ITGA2B: variants seen among roughly 807,000 people sequenced by gnomAD.
ITGA2B encodes the protein integrin subunit alpha 2b.
A neutral mutation model predicts 142.0 loss-of-function variants in ITGA2B; 91 were observed. The ratio of observed to expected loss-of-function variants is 0.64; its 90% CI spans 0.54 to 0.76. The LOEUF (loss-of-function observed/expected upper bound fraction) is 0.76. Ranked by LOEUF, ITGA2B falls within the 30% of genes least tolerant of loss-of-function variation. The probability of loss-of-function intolerance (pLI) is 0.00; values close to 1 mark genes in which losing one functional copy is unlikely to be tolerated. For synonymous variants in ITGA2B, 536 were observed against 567.2 expected, an observed-to-expected ratio of 0.94 and a Z score of 0.78; for missense variants, 1,231 against 1,350.8, an observed-to-expected ratio of 0.91 and a Z score of 1.39.
chr17:44,374,531 A>G, intron 28 of ITGA2B, 61 bp from the exon 29 acceptor site: 2 of 1,563,594 alleles, frequency 1.3e-6, no homozygotes, highest in South Asian at 1.1e-5. Flanking sequence ...CAAAGACTCA[A>G]ACCTCAGGCT....
In ITGA2B at chr17:44,372,188, T is replaced by C; in HGVS notation, c.*176A>G. The stretch of plus-strand genomic sequence containing the variant: ...GAGGCAGCATGCTCAGCATCAGGGC[T>C]CAGTCTCTTTATTAGGCAGCAGGAG... On this transcript the variant is annotated 3_prime_UTR_variant, in exon 30 of 30. Transcript: ENST00000262407. 1 of 656,756 alleles carries C rather than the reference T, an allele frequency of 1.5e-6. No homozygotes were observed. The highest frequency in any genetic ancestry group is 2.7e-6 in the Non-Finnish European group (1 of 366,772). 40.7% of individuals were successfully genotyped at this position (656,756 alleles called of 1,614,324 possible).
In ITGA2B at chr17:44,384,525, G is replaced by T; in HGVS notation, c.847+13C>A. 1 of 1,614,086 alleles carries T rather than the reference G, an allele frequency of 6.2e-7. No individual in the cohort carries two copies. The highest frequency in any genetic ancestry group is 8.5e-7 in the Non-Finnish European group (1 of 1,180,032). ...CTGGGCTACCCAACTCCCGCCCTAA[G>T]TGGATTTCTTGCCTGTAGTGTTGAG... On this transcript the variant is annotated intron_variant, in intron 8 of 29. Coordinates refer to ENST00000262407, the MANE Select transcript of ITGA2B (RefSeq NM_000419.5).
At chr17:44,374,623 G>T (rs781529192) in intron 28 of ITGA2B, 36 bp downstream of exon 28, 3 of 1,583,660 alleles carry the variant, frequency 1.9e-6, no homozygotes, top group Non-Finnish European at 8.7e-7. Flanking sequence ...AATGGGTCCT[G>T]CAGGACTGGT....
In ITGA2B at chr17:44,380,082, G is replaced by T; in HGVS notation, c.1672C>A (p.Gln558Lys). Residue 558 changes from glutamine (Q) to lysine (K), a missense_variant, in exon 17 of 30, where the codon CAA becomes AAA. Gln to Lys is a moderately conservative substitution (Grantham distance 53). This residue lies in a region of ITGA2B where 908 missense variants were observed against 1,021.1 expected (regional missense o/e 0.89). Transcript: ENST00000262407. ...AGGTTCAGGGTGGTGCCTGCCTGTT[G>T]AGAGCCCAGCAGCAGCACCCGCCGG... ...QGRRVLLLGS[Q>K]QAGTTLNLDL... 1 of 1,614,070 alleles carries T rather than the reference G, an allele frequency of 6.2e-7. No individual in the cohort carries two copies. Among genetic ancestry groups the T allele is most frequent in the South Asian group, 1.1e-5 (1 of 91,072 alleles).
chr17:44,389,457 C>T lies in ITGA2B; in HGVS notation c.17G>A (p.Cys6Tyr), dbSNP rs769136077. The change falls in exon 1 of 30, where the codon TGT becomes TAT. Residue 6 changes from cysteine to tyrosine, a missense_variant. Physicochemically the swap from Cys to Tyr is radical, Grantham distance 194. Around this residue, in one of 3 missense-constraint regions of ITGA2B, gnomAD observed 318 missense variants for 312.2 expected, o/e 1.02. Transcript: ENST00000262407. ...CAGAAGCCAGAGGGCTTGCAGTGGACACAAAGCTCTGGCCATCTTCCTTCT... is the reference window on the plus strand; with the variant it reads ...CAGAAGCCAGAGGGCTTGCAGTGGATACAAAGCTCTGGCCATCTTCCTTCT... Reference protein sequence around the residue: MARALCPLQALWLLEW... With the variant: MARALYPLQALWLLEW... The T allele has an allele frequency of 4.3e-6, 7 of 1,613,722 alleles. No individual in the cohort carries two copies. In the Admixed American group the frequency reaches 1.2e-4, roughly 27 times the overall value.
intron 7 of ITGA2B, 70 bp from the exon 8 acceptor site, chr17:44,384,655 A>T (rs1361258230): frequency 6.5e-7 from 1 of 1,548,076 alleles, no homozygotes; most frequent in Non-Finnish European, 8.9e-7. Flanking sequence ...GCAAAGAAGG[A>T]GGAGATTAAG....
At chr17:44,384,176 C>T in intron 9 of ITGA2B, 38 bp from the exon 10 acceptor site, 1 of 1,610,562 alleles carries the variant, frequency 6.2e-7, no homozygotes, top group Non-Finnish European at 8.5e-7. Flanking sequence ...CATTCTTGTA[C>T]CCAAAGCAAC....
In ITGA2B at chr17:44,380,060, T is replaced by C; in HGVS notation, c.1694A>G (p.Asn565Ser). 6.2e-7 allele frequency: 1 copy of C among 1,613,982 alleles called. No individual in the cohort carries two copies. Among genetic ancestry groups the C allele is most frequent in the South Asian group, 1.1e-5 (1 of 91,070 alleles). The change falls in exon 17 of 30, where the codon AAC becomes AGC. Residue 565 changes from asparagine (N) to serine (S), a missense_variant. Asn to Ser is a conservative substitution (Grantham distance 46). This residue lies in a region of ITGA2B where 908 missense variants were observed against 1,021.1 expected (regional missense o/e 0.89). Coordinates refer to ENST00000262407, the MANE Select transcript of ITGA2B (RefSeq NM_000419.5). The part of the protein sequence containing the change: ...LGSQQAGTTL[N>S]LDLGGKHSPI... Reference sequence around the variant, plus strand: ...GCTGTGCTTTCCGCCCAGATCCAGGTTCAGGGTGGTGCCTGCCTGTTGAGA... The same window carrying C: ...GCTGTGCTTTCCGCCCAGATCCAGGCTCAGGGTGGTGCCTGCCTGTTGAGA...
At position 44,381,038 on chromosome 17, in the gene ITGA2B, C is replaced by T. The variant is rs780786843; in HGVS notation, c.1234G>A (p.Gly412Arg). 6.8e-6 allele frequency: 11 copies of T among 1,613,272 alleles called. No individual in the cohort carries two copies. In the Admixed American group the frequency reaches 8.3e-5, roughly 12 times the overall value. Residue 412 changes from glycine to arginine, a missense_variant, in exon 13 of 30, where the codon GGG (glycine) becomes AGG (arginine). Physicochemically the swap from Gly to Arg is moderately radical, Grantham distance 125 (BLOSUM62 -2). Transcript: ENST00000262407. ...YNDIAVAAPY[G>R]GPSGRGQVLV... ...ACTTGGCCCCGGCCACTGGGACCCC[C>T]GTAGGGGGCAGCCACTGCAATGTCT...
At chr17:44,377,110 G>T (rs200000599) in intron 21 of ITGA2B, 22 bp from the exon 22 acceptor site, 199 of 1,548,814 alleles carry the variant, frequency 1.3e-4, no homozygotes, top group Non-Finnish European at 1.7e-4. Context: ...GGAGGGCCAA[G>T]GTCACTGCCC....
In ITGA2B at chr17:44,386,128, C is replaced by G. The variant is rs535210075; in HGVS notation, c.192G>C (p.Val64=). The G allele has an allele frequency of 6.3e-7, 1 of 1,597,000 alleles. No homozygotes were observed. Among genetic ancestry groups the G allele is most frequent in the Admixed American group, 1.7e-5 (1 of 57,672 alleles). The change falls in exon 2 of 30, where the codon GTG becomes GTC. Residue 64 remains valine (V), a synonymous_variant. Coordinates refer to ENST00000262407, the MANE Select transcript of ITGA2B (RefSeq NM_000419.5). ...LDFHKDSHGR[V]AIVVGAPRTL... Reference sequence around the variant, plus strand: ...TCCGCGGGGCGCCCACCACGATGGCCACTCTGCATAGGAAAGCTGGGTGAG... The same window carrying G: ...TCCGCGGGGCGCCCACCACGATGGCGACTCTGCATAGGAAAGCTGGGTGAG...
At position 44,375,030 on chromosome 17, in the gene ITGA2B, G is replaced by T; in HGVS notation, c.2809C>A (p.Leu937Met). The T allele has an allele frequency of 7.0e-7, 1 of 1,427,856 alleles. No individual in the cohort carries two copies. The allele number at this position is 1,427,856 out of a possible 1,614,324, so 88.4% of individuals were successfully genotyped here. The change falls in exon 27 of 30, where the codon CTG becomes ATG. Residue 937 changes from leucine to methionine, a missense_variant. By Grantham distance (15) the Leu-to-Met change is conservative (BLOSUM62 2). Around this residue, in one of 3 missense-constraint regions of ITGA2B, gnomAD observed 908 missense variants for 1,021.1 expected, o/e 0.89. Transcript: ENST00000262407. ...ARGQRAMVTV[L>M]AFLWLPSLYQ... ...AGGCTGGGCAGCCACAGGAAGGCCAGCACCGTGACCATGGCCCGCTGCCCG... is the reference window on the plus strand; with the variant it reads ...AGGCTGGGCAGCCACAGGAAGGCCATCACCGTGACCATGGCCCGCTGCCCG...
At chr17:44,373,826 T>C (rs564559878) in intron 29 of ITGA2B, 1 of 188,784 alleles carries the variant, frequency 5.3e-6, no homozygotes, top group South Asian at 1.0e-4. Flanking sequence ...TCCAGTGGTA[T>C]GTGTCTGGAA....
intron 14 of ITGA2B, 48 bp downstream of exon 14, chr17:44,380,546 CTCCTCT>C: frequency 6.2e-7 from 1 of 1,614,046 alleles, no homozygotes; most frequent in Non-Finnish European, 8.5e-7. Flanking sequence ...CTGGCCTGGC[CTCCTCT>C]TGATGGCACA....
intron 22 of ITGA2B, 52 bp from the exon 23 acceptor site, chr17:44,376,440 CT>C: frequency 6.4e-7 from 1 of 1,574,046 alleles, no homozygotes; most frequent in Non-Finnish European, 8.7e-7. Flanking sequence ...AGCCCAGTGA[CT>C]TTCTGGGGGT....
chr17:44,386,021 A>G lies in ITGA2B; in HGVS notation c.299T>C (p.Leu100Pro). Residue 100 changes from leucine to proline, a missense_variant, in exon 2 of 30, where the codon CTC becomes CCC. By Grantham distance (98) the Leu-to-Pro change is moderately conservative (BLOSUM62 -3). Around this residue, in one of 3 missense-constraint regions of ITGA2B, gnomAD observed 318 missense variants for 312.2 expected, o/e 1.02. Transcript: ENST00000262407. ...RAEGGQCPSL[L>P]FDLRDETRNV... ...TGCCTGGGACTCACGGAGGTCAAAG[A>G]GCAGCGAGGGGCACTGGCCGCCCTC... 3 of 1,613,772 alleles carry G rather than the reference A, an allele frequency of 1.9e-6. No individual in the cohort carries two copies. The highest frequency in any genetic ancestry group is 2.5e-6 in the Non-Finnish European group (3 of 1,179,968).
At chr17:44,378,601 G>A in intron 19 of ITGA2B, 42 bp downstream of exon 19, 2 of 1,585,696 alleles carry the variant, frequency 1.3e-6, no homozygotes, top group Non-Finnish European at 1.7e-6. Flanking sequence ...GGTATGATAG[G>A]CAGAAAGGGC....
chr17:44,382,140 C>G (rs977108655), intron 12 of ITGA2B, among the ~76,000 whole-genome samples: 6 of 152,126 alleles, frequency 3.9e-5, no homozygotes, highest in South Asian at 2.1e-4. Flanking sequence ...CCTCCCACCC[C>G]CTGAGGCATC....
At chr17:44,374,576 C>A in intron 28 of ITGA2B, 83 bp downstream of exon 28, 3 of 1,516,738 alleles carry the variant, frequency 2.0e-6, no homozygotes, top group Non-Finnish European at 2.7e-6. Context: ...CCCGTACCAC[C>A]CCTCAGACTT....
Sources: gnomAD v4.1 joint callset for allele counts (sites outside exome capture counted in the v4.1 genomes callset) on GRCh38, gnomAD v4.1.1 for gene constraint, gnomAD v4.1.1 regional missense constraint, MANE v1.5 for transcripts, NCBI Gene and HGNC (gene_info 2026-07-23, HGNC 2026-07-21) for gene names.